The following OR3A2 variants were observed in gnomAD, a reference collection of about 807,000 sequenced individuals.
The protein encoded by OR3A2 is olfactory receptor family 3 subfamily A member 2, also known as olfactory receptor 3A2.
For synonymous variants in OR3A2, 126 were observed against 159.3 expected, an observed-to-expected ratio of 0.79 and a Z score of 1.57; for missense variants, 318 against 392.8, an observed-to-expected ratio of 0.81 and a Z score of 1.61.
rs574808033 is a variant in OR3A2 at position 3,345,575 on chromosome 17, A to T, written c.-178-9449T>A. 3.3e-5 allele frequency among the ~76,000 whole-genome samples: 5 copies of T among 152,226 alleles called. No homozygotes were observed. In the East Asian group the frequency reaches 9.6e-4, roughly 29 times the overall value. On this transcript the variant is annotated intron_variant, in intron 2 of 4. Coordinates refer to the OR3A2 transcript ENST00000573491. The stretch of plus-strand genomic sequence containing the variant: ...TAAAAAGAAACAATATCACAAAAAC[A>T]GTTCTTGAAAATGAAAAACGTGATC...
chr17:3,325,437 T>C (rs2049163692), intron 3 of OR3A2, among the ~76,000 whole-genome samples: 1 of 152,032 alleles, frequency 6.6e-6, no homozygotes, highest in Non-Finnish European at 1.5e-5. Context: ...CTCAAACTCC[T>C]GACCTCAGGT....
chr17:3,295,182 G>T (rs772624061), intron 3 of OR3A2, among the ~76,000 whole-genome samples: 1 of 152,078 alleles, frequency 6.6e-6, no homozygotes, highest in Non-Finnish European at 1.5e-5. Context: ...ATAGGAGGAC[G>T]TATGTGTTGA....
chr17:3,349,966 G>A (rs969097273), intron 2 of OR3A2, among the ~76,000 whole-genome samples: 1 of 150,080 alleles, frequency 6.7e-6, no homozygotes, highest in Non-Finnish European at 1.5e-5. Context: ...CAGAAATAAA[G>A]ATGTTCTTTG....
exon 2 of OR3A2, chr17:3,278,587 C>A (rs768185209): frequency 2.5e-6 from 4 of 1,606,082 alleles, no homozygotes; most frequent in Non-Finnish European, 3.4e-6. Context: ...TCCATCCCAG[C>A]CAGAAGGTGG....
In OR3A2 at chr17:3,291,618, G is replaced by A. The variant is rs767829338; in HGVS notation, c.-84-12465C>T. On this transcript the variant is annotated intron_variant, in intron 3 of 4. Transcript: ENST00000573491. ...TTTAGTACAAGACACAGGGAGAAAGGGTCAATTGAGACCTCCTCAAGCCAG... is the reference window on the plus strand; with the variant it reads ...TTTAGTACAAGACACAGGGAGAAAGAGTCAATTGAGACCTCCTCAAGCCAG... 5 of 1,560,702 alleles carry A rather than the reference G, an allele frequency of 3.2e-6. No homozygotes were observed. The East Asian group carries it at 6.8e-5, about 21-fold the overall frequency.
At chr17:3,375,139 C>CTCT (rs1567572381) in intron 2 of OR3A2, among the ~76,000 whole-genome samples, 4 of 28,720 alleles carry the variant, frequency 1.4e-4, no homozygotes, top group Non-Finnish European at 2.7e-4. Context: ...AGCCTTCTTC[C>CTCT]TTTTTTTTTT....
chr17:3,338,968 G>C (rs1177791367), intron 2 of OR3A2, among the ~76,000 whole-genome samples: 1 of 152,148 alleles, frequency 6.6e-6, no homozygotes, highest in East Asian at 1.9e-4. Context: ...AGCTCTCCTT[G>C]AAGAGGTCCT....
chr17:3,350,698 C>T (rs2049412756), intron 2 of OR3A2, among the ~76,000 whole-genome samples: 1 of 151,284 alleles, frequency 6.6e-6, no homozygotes, highest in Non-Finnish European at 1.5e-5. Context: ...CCAGCATCAT[C>T]CTGATACCAA....
intron 2 of OR3A2, among the ~76,000 whole-genome samples, chr17:3,376,394 A>G (rs1487739644): frequency 6.6e-6 from 1 of 152,164 alleles, no homozygotes; most frequent in East Asian, 1.9e-4. Context: ...GTGGGTAGAG[A>G]AAAACCATCA....
At chr17:3,333,848 C>G (rs146098265) in intron 3 of OR3A2, among the ~76,000 whole-genome samples, 194 of 152,148 alleles carry the variant, frequency 1.3e-3, no homozygotes, top group African/African-American at 4.4e-3. Flanking sequence ...ATTTTCCAGT[C>G]TATCCATCTG....
chr17:3,317,306 T>C (rs892431366), intron 3 of OR3A2, among the ~76,000 whole-genome samples: 1 of 152,200 alleles, frequency 6.6e-6, no homozygotes, highest in Non-Finnish European at 1.5e-5. Flanking sequence ...ACCTCTCTTT[T>C]AGACTATGGT....
chr17:3,326,998 A>C (rs374447267), intron 3 of OR3A2, among the ~76,000 whole-genome samples: 2 of 82,082 alleles, frequency 2.4e-5, no homozygotes, highest in South Asian at 1.0e-3. Context: ...ATTGTGAATA[A>C]TGCCGCAATA....
rs201085407 is a variant in OR3A2, at chr17:3,291,948, G to A, written c.-84-12795C>T. The A allele has an allele frequency of 5.3e-5, 86 of 1,614,100 alleles. No individual in the cohort carries two copies. The highest frequency in any genetic ancestry group is 1.6e-4 in the Middle Eastern group (1 of 6,084). Reference sequence around the variant, plus strand: ...GGAGATGACAATGAGAGCCATGGGGGTACCTGCCATTATAAAACCCACAGC... The same window carrying A: ...GGAGATGACAATGAGAGCCATGGGGATACCTGCCATTATAAAACCCACAGC... On this transcript the variant is annotated intron_variant, in intron 3 of 4. Coordinates refer to the OR3A2 transcript ENST00000573491.
At chr17:3,287,849 T>G (rs1214303238), upstream of OR3A2, among the ~76,000 whole-genome samples, 2 of 151,710 alleles carry the variant, frequency 1.3e-5, no homozygotes, top group Non-Finnish European at 2.9e-5. Context: ...CAATATACTG[T>G]ATATGTAATC....
intron 2 of OR3A2, among the ~76,000 whole-genome samples, chr17:3,372,428 T>C (rs373618966): frequency 5.3e-5 from 8 of 151,868 alleles, no homozygotes; most frequent in African/African-American, 7.3e-5. Context: ...GGGTGGCGGC[T>C]GGGCAGAGGC....
In OR3A2 at chr17:3,348,798, A is replaced by T. The variant is rs557725191; in HGVS notation, c.-178-12672T>A. ...GCCAGAGAGAAAGGTCGGGTTACCC[A>T]CAAAGGGAAGCCCATCAGATTAACA... On this transcript the variant is annotated intron_variant, in intron 2 of 4. Transcript: ENST00000573491. Among the ~76,000 whole-genome samples, 133 of 152,328 alleles carry T rather than the reference A, an allele frequency of 8.7e-4. 1 individual carries two copies. The highest frequency in any genetic ancestry group is 1.2e-3 in the African/African-American group (51 of 41,578).
intron 3 of OR3A2, chr17:3,292,504 G>A: frequency 6.2e-7 from 1 of 1,613,750 alleles, no homozygotes; most frequent in East Asian, 2.2e-5. Context: ...ACAACTGGCT[G>A]CAGCCCTGGC....
At chr17:3,366,205 T>C (rs935988044) in intron 2 of OR3A2, among the ~76,000 whole-genome samples, 3 of 152,194 alleles carry the variant, frequency 2.0e-5, no homozygotes, top group African/African-American at 7.2e-5. Context: ...AAGGAAATAA[T>C]AGCAGATTTA....
chr17:3,345,448 G>T (rs1567562418), intron 2 of OR3A2, among the ~76,000 whole-genome samples: 1 of 151,900 alleles, frequency 6.6e-6, no homozygotes, highest in African/African-American at 2.4e-5. Flanking sequence ...GATAGAGACA[G>T]AGAGAGAGAC....
Sources: gnomAD v4.1 joint callset for allele counts (sites outside exome capture counted in the v4.1 genomes callset) on GRCh38, gnomAD v4.1.1 for gene constraint, MANE v1.5 for transcripts, NCBI Gene and HGNC (gene_info 2026-07-23, HGNC 2026-07-21) for gene names.